The following RERE variants were observed in gnomAD, a reference collection of about 807,000 sequenced individuals.
RERE encodes arginine-glutamic acid dipeptide repeats protein.
RERE carries 40 observed loss-of-function variants against 146.1 expected under a neutral mutation model. The ratio of observed to expected loss-of-function variants is 0.27; its 90% CI spans 0.21 to 0.36. The LOEUF (loss-of-function observed/expected upper bound fraction) is 0.36, where lower values mean the gene tolerates loss of function less well. Among genes scored for constraint, RERE ranks in the 10% least tolerant of loss-of-function variants. The pLI is 1.00. For synonymous variants in RERE, 1,003 were observed against 866.0 expected, an observed-to-expected ratio of 1.16 and a Z score of -2.78; for missense variants, 1,933 against 2,138.7, an observed-to-expected ratio of 0.90 and a Z score of 1.90.
intron 4 of RERE, among the ~76,000 whole-genome samples, chr1:8,564,647 G>C (rs1395147935): frequency 6.6e-6 from 1 of 150,576 alleles, no homozygotes; most frequent in African/African-American, 2.4e-5. Context: ...ATTAGATCCA[G>C]GAATCCCACT....
At chr1:8,447,786 T>C (rs190270721) in intron 11 of RERE, among the ~76,000 whole-genome samples, 6 of 152,362 alleles carry the variant, frequency 3.9e-5, no homozygotes, top group Non-Finnish European at 8.8e-5. Context: ...TGTGCGGCAC[T>C]TGCCTGCGTC....
intron 1 of RERE, among the ~76,000 whole-genome samples, chr1:8,791,769 G>A (rs997752056): frequency 1.3e-5 from 2 of 152,200 alleles, no homozygotes; most frequent in Non-Finnish European, 2.9e-5. Context: ...GGAATCATAC[G>A]AGAAGAGGGA....
At position 8,556,547 on chromosome 1, in the gene RERE, G is replaced by A; in HGVS notation, c.653C>T (p.Thr218Ile). The A allele has an allele frequency of 6.2e-7, 1 of 1,606,010 alleles. No individual in the cohort carries two copies. The highest frequency in any genetic ancestry group is 8.5e-7 in the Non-Finnish European group (1 of 1,172,720). The change falls in exon 6 of 23, where the codon ACA (threonine) becomes ATA (isoleucine). Residue 218 changes from threonine (T) to isoleucine (I), a missense_variant. Coordinates refer to ENST00000400908, the MANE Select transcript of RERE (RefSeq NM_001042681.2). ...CTCTCGGTTCTTGATAACTGGGTCTGTAATGACAAGTTCTCTTCCAGAGTC... is the reference window on the plus strand; with the variant it reads ...CTCTCGGTTCTTGATAACTGGGTCTATAATGACAAGTTCTCTTCCAGAGTC... ...ENDSGRELVI[T>I]DPVIKNRELF...
At chr1:8,585,854 C>A (rs1389068117) in intron 4 of RERE, among the ~76,000 whole-genome samples, 1 of 152,146 alleles carries the variant, frequency 6.6e-6, no homozygotes, top group Non-Finnish European at 1.5e-5. Context: ...TAAAATTATT[C>A]TAGCTAATAA....
intron 1 of RERE, among the ~76,000 whole-genome samples, chr1:8,810,963 T>G (rs1323879085): frequency 6.6e-6 from 1 of 151,932 alleles, no homozygotes; most frequent in Non-Finnish European, 1.5e-5. Context: ...ATAAGACAAA[T>G]GTAATAAAGT....
chr1:8,592,922 C>G (rs1208771646), intron 4 of RERE, among the ~76,000 whole-genome samples: 1 of 152,114 alleles, frequency 6.6e-6, no homozygotes, highest in Non-Finnish European at 1.5e-5. Flanking sequence ...GCCATGTAAT[C>G]TCTTCTATCA....
chr1:8,590,704 C>T (rs553246507), intron 4 of RERE: 6 of 152,200 alleles, frequency 3.9e-5, no homozygotes, highest in African/African-American at 4.8e-5. Context: ...TCCACACTTA[C>T]GAAATACGAA....
chr1:8,420,751 G>C (rs950745266), intron 12 of RERE, among the ~76,000 whole-genome samples: 1 of 152,238 alleles, frequency 6.6e-6, no homozygotes, highest in African/African-American at 2.4e-5. Context: ...CTAGAGAAGG[G>C]AGAAGAGCTA....
intron 2 of RERE, among the ~76,000 whole-genome samples, chr1:8,651,712 A>G (rs1159389544): frequency 6.6e-6 from 1 of 150,674 alleles, no homozygotes; most frequent in African/African-American, 2.4e-5. Flanking sequence ...ACAGAGCAAT[A>G]CCCTGTCTCA....
intron 4 of RERE, among the ~76,000 whole-genome samples, chr1:8,571,047 T>C (rs891689038): frequency 1.3e-5 from 2 of 152,190 alleles, no homozygotes; most frequent in Admixed American, 6.5e-5. Context: ...CAAACAAGTA[T>C]TTGTCTACAT....
At chr1:8,363,140 T>C (rs1293728458) in intron 15 of RERE, among the ~76,000 whole-genome samples, 2 of 152,246 alleles carry the variant, frequency 1.3e-5, no homozygotes, top group Non-Finnish European at 2.9e-5. Context: ...AACCACACTT[T>C]CTGAGCGGCA....
At chr1:8,447,305 A>G (rs1168754386) in intron 11 of RERE, among the ~76,000 whole-genome samples, 3 of 151,954 alleles carry the variant, frequency 2.0e-5, no homozygotes, top group Non-Finnish European at 4.4e-5. Context: ...TCAATTTGTC[A>G]AACTCATTCT....
chr1:8,460,809 T>TA (rs1488144193), intron 11 of RERE, among the ~76,000 whole-genome samples: 32 of 152,274 alleles, frequency 2.1e-4, no homozygotes, highest in African/African-American at 7.5e-4. Flanking sequence ...AAAACGCAGC[T>TA]AAGTGGATAG....
At chr1:8,760,216 G>A (rs528463588) in intron 1 of RERE, among the ~76,000 whole-genome samples, 6 of 152,114 alleles carry the variant, frequency 3.9e-5, no homozygotes, top group African/African-American at 1.2e-4. Flanking sequence ...CAGTAGAGAC[G>A]GGGTTTCATC....
At chr1:8,573,124 CTTAT>C (rs1646242662) in intron 4 of RERE, among the ~76,000 whole-genome samples, 2 of 152,080 alleles carry the variant, frequency 1.3e-5, no homozygotes, top group East Asian at 1.9e-4. Flanking sequence ...CTTTATCTTT[CTTAT>C]TTTTCTTTTT....
In RERE at chr1:8,359,802, GCTCCCGCTCCTTCTCCTTCTCCTT is replaced by G; in HGVS notation, c.3556_3579del (p.Lys1186_Glu1193del). On this transcript the variant is annotated inframe_deletion, in exon 19 of 23. Transcript: ENST00000400908. Reference sequence around the variant, plus strand: ...GCCTCGCGCTCCCGCTCTCGCTCCCGCTCCCGCTCCTTCTCCTTCTCCTTCTCCCGCTCTCGCTCCTCTCGGGCT... The same window carrying G: ...GCCTCGCGCTCCCGCTCTCGCTCCCGCTCCCGCTCTCGCTCCTCTCGGGCT... 6.2e-7 allele frequency: 1 copy of G among 1,604,170 alleles called. No individual in the cohort carries two copies. Among genetic ancestry groups the G allele is most frequent in the African/African-American group, 1.3e-5 (1 of 74,854 alleles).
At chr1:8,707,977 T>A (rs757347136) in intron 1 of RERE, among the ~76,000 whole-genome samples, 26 of 152,226 alleles carry the variant, frequency 1.7e-4, no homozygotes, top group Non-Finnish European at 3.5e-4. Flanking sequence ...TTATTGATAA[T>A]TTAATTTCCC....
At chr1:8,777,321 T>C (rs1229489638) in intron 1 of RERE, among the ~76,000 whole-genome samples, 1 of 147,912 alleles carries the variant, frequency 6.8e-6, no homozygotes, top group Non-Finnish European at 1.5e-5. Context: ...ATTTTTCTTA[T>C]GTTTTATACC....
chr1:8,611,823 G>A (rs1646797012), intron 4 of RERE, among the ~76,000 whole-genome samples: 1 of 152,112 alleles, frequency 6.6e-6, no homozygotes, highest in African/African-American at 2.4e-5. Flanking sequence ...ATGGTGCCAC[G>A]TGGTTTCTAT....
Sources: allele counts gnomAD v4.1 joint callset (sites outside exome capture counted in the v4.1 genomes callset), GRCh38; gene constraint gnomAD v4.1.1; transcripts MANE v1.5; gene names NCBI Gene and HGNC (gene_info 2026-07-23, HGNC 2026-07-21).